The following SMYD3 variants were observed in gnomAD, a reference collection of about 807,000 sequenced individuals.
SMYD3 encodes SET and MYND domain containing 3, also known as histone-lysine N-methyltransferase SMYD3.
In SMYD3, 36 loss-of-function variants were observed where a neutral mutation model predicts 57.7. The observed-to-expected ratio is 0.62, with a 90% CI of 0.48 to 0.82. The LOEUF is 0.82. Ranked by LOEUF, SMYD3 falls within the 40% of genes least tolerant of loss-of-function variation. SMYD3 has a pLI of 0.00. For missense variants in SMYD3, 515 were observed against 538.8 expected (o/e 0.96, Z 0.44); for synonymous variants, 211 against 195.0 (o/e 1.08, Z -0.68).
intron 5 of SMYD3, among the ~76,000 whole-genome samples, chr1:246,008,927 T>C (rs1470734203): frequency 6.6e-6 from 1 of 152,030 alleles, no homozygotes; most frequent in East Asian, 1.9e-4. Flanking sequence ...GATGAAGAAT[T>C]CGGCTCTGGA....
chr1:246,143,866 G>A (rs1201282304), intron 5 of SMYD3, among the ~76,000 whole-genome samples: 1 of 152,132 alleles, frequency 6.6e-6, no homozygotes, highest in African/African-American at 2.4e-5. Flanking sequence ...TCACAGAAGG[G>A]CACAGGATCA....
chr1:245,751,518 C>A (rs1454640453), intron 11 of SMYD3, among the ~76,000 whole-genome samples: 1 of 115,148 alleles, frequency 8.7e-6, no homozygotes, highest in African/African-American at 3.0e-5. Flanking sequence ...AGATTTGCTG[C>A]TGAGAGAGAG....
chr1:246,406,127 A>T (rs921548435), intron 1 of SMYD3, among the ~76,000 whole-genome samples: 1 of 151,554 alleles, frequency 6.6e-6, no homozygotes. Context: ...GCGTTTTGCC[A>T]TGTTGCCCAG....
intron 5 of SMYD3, among the ~76,000 whole-genome samples, chr1:246,083,169 G>A (rs1251115351): frequency 6.6e-6 from 1 of 151,866 alleles, no homozygotes; most frequent in Non-Finnish European, 1.5e-5. Context: ...TGAGATAAGA[G>A]GAAGGCATCT....
chr1:246,035,428 G>A (rs1339042676), intron 5 of SMYD3: 2 of 152,214 alleles, frequency 1.3e-5, no homozygotes, highest in African/African-American at 4.8e-5. Context: ...CCGCGGCACA[G>A]TTCCCAGGAT....
chr1:246,079,015 C>CT (rs879864120), intron 5 of SMYD3, among the ~76,000 whole-genome samples: 434 of 142,448 alleles, frequency 3.0e-3, no homozygotes, highest in African/African-American at 8.6e-3. Context: ...TCTCATCATT[C>CT]TTTTTTTTTT....
At chr1:246,110,609 C>G (rs573250474) in intron 5 of SMYD3, among the ~76,000 whole-genome samples, 4 of 152,230 alleles carry the variant, frequency 2.6e-5, no homozygotes, top group Non-Finnish European at 5.9e-5. Context: ...GCAAGACAGA[C>G]AGATCTGGTG....
At chr1:245,818,116 T>C (rs1347678723) in intron 10 of SMYD3, among the ~76,000 whole-genome samples, 1 of 151,798 alleles carries the variant, frequency 6.6e-6, no homozygotes, top group Non-Finnish European at 1.5e-5. Flanking sequence ...AAAGTTGAAA[T>C]GAAGGAAAAA....
At chr1:246,045,098 C>A (rs2059940327) in intron 5 of SMYD3, among the ~76,000 whole-genome samples, 2 of 152,156 alleles carry the variant, frequency 1.3e-5, no homozygotes, top group Admixed American at 1.3e-4. Context: ...ATCAAGCTAC[C>A]AATGACTTTC....
intron 1 of SMYD3, among the ~76,000 whole-genome samples, chr1:246,466,333 C>T (rs2067880245): frequency 6.6e-6 from 1 of 152,194 alleles, no homozygotes; most frequent in Non-Finnish European, 1.5e-5. Context: ...CCATGGAATA[C>T]TATGCATGCG....
intron 5 of SMYD3, among the ~76,000 whole-genome samples, chr1:246,064,810 C>G (rs1034707306): frequency 6.6e-6 from 1 of 152,256 alleles, no homozygotes; most frequent in African/African-American, 2.4e-5. Flanking sequence ...GGCACAGACA[C>G]TGGGAACCGT....
At chr1:245,818,268 C>A (rs556060766) in intron 10 of SMYD3, among the ~76,000 whole-genome samples, 1 of 152,158 alleles carries the variant, frequency 6.6e-6, no homozygotes, top group African/African-American at 2.4e-5. Flanking sequence ...GAATTTTCAA[C>A]CCAGAATTTC....
intron 1 of SMYD3, among the ~76,000 whole-genome samples, chr1:246,379,583 G>A (rs139247602): frequency 0.015 from 2,345 of 152,206 alleles, 52 homozygotes; most frequent in Admixed American, 0.032. Flanking sequence ...GAAGTTATTC[G>A]CAGAAGTAAC....
chr1:246,092,191 G>A (rs557534515), intron 5 of SMYD3, among the ~76,000 whole-genome samples: 3 of 152,238 alleles, frequency 2.0e-5, no homozygotes, highest in African/African-American at 7.2e-5. Context: ...TTTTCAGGCT[G>A]AGGGTCATTT....
intron 5 of SMYD3, among the ~76,000 whole-genome samples, chr1:246,173,299 C>T (rs1408719841): frequency 2.4e-4 from 37 of 151,256 alleles, no homozygotes; most frequent in African/African-American, 7.8e-4. Context: ...ATCAACACTA[C>T]ACACTTAGGC....
intron 1 of SMYD3, among the ~76,000 whole-genome samples, chr1:246,485,237 A>G (rs140435152): frequency 0.016 from 2,445 of 152,192 alleles, 30 homozygotes; most frequent in Non-Finnish European, 0.024. Context: ...GTTACACCTG[A>G]AAACACATCA....
chr1:246,254,664 T>A (rs1291473240), intron 5 of SMYD3, among the ~76,000 whole-genome samples: 15 of 152,186 alleles, frequency 9.9e-5, no homozygotes, highest in Admixed American at 9.8e-4. Flanking sequence ...TCCAATTCTG[T>A]GAAAAATGAC....
intron 8 of SMYD3, among the ~76,000 whole-genome samples, chr1:245,883,886 G>A (rs2052930679): frequency 6.6e-6 from 1 of 152,180 alleles, no homozygotes; most frequent in African/African-American, 2.4e-5. Flanking sequence ...GGTGAAAATG[G>A]CCAAAACCCA....
At position 246,128,247 on chromosome 1, in the gene SMYD3, G is replaced by A. The variant is rs75484250; in HGVS notation, c.532-198310C>T. On this transcript the variant is annotated intron_variant, in intron 5 of 11. Transcript: ENST00000490107. ...CACTCCTCCTCCCCATCTCTATTAC[G>A]ATGTTCAGTTTTATTTCATAGCTCT... 6.9e-3 allele frequency among the ~76,000 whole-genome samples: 1,053 copies of A among 152,172 alleles called. 6 individuals are homozygous for A. Among genetic ancestry groups the A allele is most frequent in the Middle Eastern group, 0.027 (8 of 294 alleles).
Sources: gnomAD v4.1 joint callset for allele counts (sites outside exome capture counted in the v4.1 genomes callset) on GRCh38, gnomAD v4.1.1 for gene constraint, MANE v1.5 for transcripts, NCBI Gene and HGNC (gene_info 2026-07-23, HGNC 2026-07-21) for gene names.